MARF1: variants seen among roughly 807,000 people sequenced by gnomAD.
The protein encoded by MARF1 is meiosis regulator and mRNA stability factor 1.
In MARF1, 24 loss-of-function variants were observed where a neutral mutation model predicts 168.2. The observed-to-expected ratio is 0.14, with a 90% CI of 0.10 to 0.20. The LOEUF (loss-of-function observed/expected upper bound fraction) is 0.20. MARF1 is among the 10% of genes least tolerant of loss of function. MARF1 has a pLI of 1.00. For missense variants in MARF1, 1,744 were observed against 2,143.6 expected, an observed-to-expected ratio of 0.81 and a Z score of 3.68; for synonymous variants, 868 against 822.4, an observed-to-expected ratio of 1.06 and a Z score of -0.95.
chr16:15,612,046 A>G (rs746305381), intron 17 of MARF1, among the ~76,000 whole-genome samples: 1 of 152,238 alleles, frequency 6.6e-6, no homozygotes, highest in South Asian at 2.1e-4. Flanking sequence ...TTGGTTGTCC[A>G]GACAAATTGG....
chr16:15,606,995 C>A (rs1015440468), intron 21 of MARF1, among the ~76,000 whole-genome samples: 4 of 152,116 alleles, frequency 2.6e-5, no homozygotes, highest in Non-Finnish European at 5.9e-5. Flanking sequence ...TCTACACAAC[C>A]AACACTGCCA....
At chr16:15,620,386 T>C in intron 13 of MARF1, 65 bp downstream of exon 13, 1 of 933,018 alleles carries the variant, frequency 1.1e-6, no homozygotes, top group Non-Finnish European at 1.7e-6. Context: ...GTCATTACCA[T>C]GGTTTTGTGC....
chr16:15,601,159 T>C (rs2032383575), intron 23 of MARF1: 1 of 449,076 alleles, frequency 2.2e-6, no homozygotes, highest in African/African-American at 2.0e-5. Context: ...CCAAGCAGAG[T>C]GGTAGTAGTG....
intron 13 of MARF1, 48 bp from the exon 14 acceptor site, chr16:15,617,583 T>C: frequency 7.7e-7 from 1 of 1,299,868 alleles, no homozygotes; most frequent in South Asian, 1.3e-5. Context: ...TTTTCTTTGA[T>C]TATACAGAAA....
At chr16:15,628,796 C>T (rs1449145198) in intron 7 of MARF1, among the ~76,000 whole-genome samples, 1 of 152,062 alleles carries the variant, frequency 6.6e-6, no homozygotes, top group Non-Finnish European at 1.5e-5. Flanking sequence ...TACACTTTTC[C>T]TATTACACCT....
chr16:15,616,883 C>T, intron 15 of MARF1, 169 bp downstream of exon 15: 1 of 906,594 alleles, frequency 1.1e-6, no homozygotes, highest in Non-Finnish European at 1.7e-6. Context: ...CCATGGTTGG[C>T]CAAAATTTTG....
chr16:15,613,058 C>A (rs2033713067), intron 16 of MARF1, among the ~76,000 whole-genome samples: 1 of 152,148 alleles, frequency 6.6e-6, no homozygotes, highest in South Asian at 2.1e-4. Context: ...TAGCAGAAGT[C>A]AAAGTACACA....
intron 16 of MARF1, among the ~76,000 whole-genome samples, chr16:15,613,133 C>A (rs868590636): frequency 6.6e-6 from 1 of 152,132 alleles, no homozygotes; most frequent in Non-Finnish European, 1.5e-5. Context: ...TCATGTGGAA[C>A]GTACCTTTCC....
At chr16:15,600,334 A>C (rs1313580953) in intron 25 of MARF1, 94 bp downstream of exon 25, 37 of 1,518,472 alleles carry the variant, frequency 2.4e-5, no homozygotes, top group Non-Finnish European at 3.3e-5. Flanking sequence ...AGATTGGATG[A>C]CTTGCTGGAG....
rs569409913 is a variant in MARF1 at position 15,597,032 on chromosome 16, T to C, written c.4985-95A>G. Reference sequence around the variant, plus strand: ...CTCATATTTTCTCAAAAGATAATAATAGTAATAAAAAGCTTCTAAATGCTA... The same window carrying C: ...CTCATATTTTCTCAAAAGATAATAACAGTAATAAAAAGCTTCTAAATGCTA... On this transcript the variant is annotated intron_variant, in intron 26 of 26. Transcript: ENST00000396368. 2.9e-6 allele frequency: 4 copies of C among 1,384,958 alleles called. No homozygotes were observed. The African/African-American group carries it at 4.3e-5, about 15-fold the overall frequency. 85.8% of individuals were successfully genotyped at this position (1,384,958 alleles called of 1,614,324 possible). A position where few individuals can be genotyped will look rare whatever the true frequency, so the allele number is the denominator to read the frequency against.
At chr16:15,639,678 G>A (rs2035824614) in intron 1 of MARF1, among the ~76,000 whole-genome samples, 1 of 152,100 alleles carries the variant, frequency 6.6e-6, no homozygotes, top group African/African-American at 2.4e-5. Flanking sequence ...TGGGATTACA[G>A]GCATTAGCCA....
At chr16:15,626,844 T>A (rs764953762) in intron 7 of MARF1, among the ~76,000 whole-genome samples, 1 of 150,974 alleles carries the variant, frequency 6.6e-6, no homozygotes, top group African/African-American at 2.4e-5. Flanking sequence ...ACGCCTGTAA[T>A]CCCAGCTACT....
At chr16:15,633,403 G>A (rs531986203) in intron 5 of MARF1, among the ~76,000 whole-genome samples, 5 of 152,076 alleles carry the variant, frequency 3.3e-5, no homozygotes, top group South Asian at 4.2e-4. Flanking sequence ...AAAATGAGCC[G>A]AGCATGATGG....
intron 13 of MARF1, among the ~76,000 whole-genome samples, chr16:15,619,146 G>A (rs1028998376): frequency 7.2e-5 from 11 of 152,142 alleles, no homozygotes; most frequent in African/African-American, 1.2e-4. Context: ...GCAGGATGGC[G>A]GATGCCTGTG....
rs143455786 is a variant in MARF1 at position 15,604,735 on chromosome 16, G to C, written c.4183-337C>G. Among the ~76,000 whole-genome samples the C allele has an allele frequency of 2.4e-3, 368 of 152,270 alleles. 18 individuals carry two copies. In the South Asian group the frequency reaches 0.075, roughly 31 times the overall value. ...ACACAGACTGGCCAGCTGATGGCCA[G>C]TGGTCCAAGCTTGTGAAGTGTGGGT... is the stretch of plus-strand genomic sequence containing the variant. On this transcript the variant is annotated intron_variant, in intron 21 of 26. Transcript: ENST00000396368.
At chr16:15,612,416 C>T (rs1204712281) in intron 17 of MARF1, 141 bp downstream of exon 17, 8 of 715,366 alleles carry the variant, frequency 1.1e-5, no homozygotes, top group Non-Finnish European at 2.5e-6. Context: ...TGTGTTATTC[C>T]TGCCCTCTGA....
chr16:15,627,293 G>C (rs1035775019), intron 7 of MARF1, among the ~76,000 whole-genome samples: 23 of 151,964 alleles, frequency 1.5e-4, no homozygotes, highest in African/African-American at 5.6e-4. Flanking sequence ...TTCAAGACCA[G>C]CCTGGCCAAC....
chr16:15,595,593 G>C lies in MARF1; in HGVS notation c.*1100C>G, dbSNP rs2031600572. The C allele has an allele frequency of 6.6e-6, 1 of 152,596 alleles. No individual in the cohort carries two copies. Among genetic ancestry groups the C allele is most frequent in the South Asian group, 2.1e-4 (1 of 4,828 alleles). 9.5% of individuals were successfully genotyped at this position (152,596 alleles called of 1,614,324 possible). On this transcript the variant is annotated 3_prime_UTR_variant, in exon 27 of 27. Coordinates refer to ENST00000396368, the MANE Select transcript of MARF1 (RefSeq NM_014647.4). Reference sequence around the variant, plus strand: ...AAGAAACCCAGAGATGCTTCCAACAGCGAGAAGTAACGAGAGTAAAATCAG... The same window carrying C: ...AAGAAACCCAGAGATGCTTCCAACACCGAGAAGTAACGAGAGTAAAATCAG...
In MARF1 at chr16:15,639,125, G is replaced by A. The variant is rs779061671; in HGVS notation, c.109C>T (p.Arg37Cys). The A allele has an allele frequency of 2.1e-5, 34 of 1,614,052 alleles. No homozygotes were observed. Among genetic ancestry groups the A allele is most frequent in the South Asian group, 3.3e-5 (3 of 91,086 alleles). Residue 37 changes from arginine (R) to cysteine (C), a missense_variant, in exon 2 of 27, where the codon CGT (arginine) becomes TGT (cysteine). By Grantham distance (180) the Arg-to-Cys change is radical. Transcript: ENST00000396368. ...CTATGTGGCAGCGTCTGCTCAGGAC[G>A]AGAAAAGCAATTAGAGAATTTCCAA... ...WLWKFSNCFS[R>C]PEQTLPHSPQ... is the part of the protein sequence containing the mutation.
Sources: gnomAD v4.1 joint callset for allele counts (sites outside exome capture counted in the v4.1 genomes callset) on GRCh38, gnomAD v4.1.1 for gene constraint, MANE v1.5 for transcripts, NCBI Gene and HGNC (gene_info 2026-07-23, HGNC 2026-07-21) for gene names.